TBCD: variants seen among roughly 807,000 people sequenced by gnomAD.
TBCD encodes the protein tubulin folding cofactor D.
TBCD carries 105 observed loss-of-function variants against 169.3 expected under a neutral mutation model. That is an observed-to-expected ratio of 0.62 (90% CI 0.53 to 0.73). The LOEUF is 0.73. Among genes scored for constraint, TBCD ranks in the 30% least tolerant of loss-of-function variants. The probability of loss-of-function intolerance (pLI) is 0.00; values close to 1 mark genes in which losing one functional copy is unlikely to be tolerated. For missense variants in TBCD, 1,444 were observed against 1,600.1 expected, an observed-to-expected ratio of 0.90 and a Z score of 1.66; for synonymous variants, 700 against 643.9, an observed-to-expected ratio of 1.09 and a Z score of -1.32.
At chr17:82,816,502 G>A (rs559404721) in intron 13 of TBCD, among the ~76,000 whole-genome samples, 11 of 152,118 alleles carry the variant, frequency 7.2e-5, no homozygotes, top group South Asian at 2.1e-4. Context: ...AGTGTGTGAG[G>A]GTTCTGCTTC....
At chr17:82,865,964 G>A (rs2057141020) in intron 13 of TBCD, among the ~76,000 whole-genome samples, 1 of 152,194 alleles carries the variant, frequency 6.6e-6, no homozygotes. Context: ...AAGCCTCCTG[G>A]GGTGTGTTCT....
intron 7 of TBCD, among the ~76,000 whole-genome samples, chr17:82,790,231 G>A (rs1273317755): frequency 6.6e-6 from 1 of 152,146 alleles, no homozygotes; most frequent in South Asian, 2.1e-4. Context: ...TGTGGCTGTC[G>A]GCTGCAGTAA....
rs1389851751 is a variant in TBCD at position 82,944,364 on chromosome 17, C to T, written c.*1901C>T. 6.6e-6 allele frequency: 1 copy of T among 152,148 alleles called. No individual in the cohort carries two copies. The highest frequency in any genetic ancestry group is 2.4e-5 in the African/African-American group (1 of 41,430). The allele number at this position is 152,148 out of a possible 1,614,324, so 9.4% of individuals were successfully genotyped here. On this transcript the variant is annotated 3_prime_UTR_variant, in exon 39 of 39. Coordinates refer to ENST00000355528, the MANE Select transcript of TBCD (RefSeq NM_005993.5). ...CTCTTTCAGCAGCCGTTTCTGGAGCCCACCAGGGTCCAGGTGATAGAGTTT... is the reference window on the plus strand; with the variant it reads ...CTCTTTCAGCAGCCGTTTCTGGAGCTCACCAGGGTCCAGGTGATAGAGTTT...
chr17:82,792,256 C>T (rs1040127522), intron 7 of TBCD, among the ~76,000 whole-genome samples: 3 of 150,462 alleles, frequency 2.0e-5, no homozygotes, highest in East Asian at 2.0e-4. Flanking sequence ...TGCAGTGAGC[C>T]GAGATTGTGT....
At chr17:82,910,853 C>G (rs2060590286) in intron 22 of TBCD, among the ~76,000 whole-genome samples, 1 of 152,220 alleles carries the variant, frequency 6.6e-6, no homozygotes, top group Non-Finnish European at 1.5e-5. Context: ...GGCTGAGCCA[C>G]CGCGCCCAGC....
In TBCD at chr17:82,903,275, G is replaced by A. The variant is rs977120149; in HGVS notation, c.1731-130G>A. 2.3e-5 allele frequency: 18 copies of A among 784,048 alleles called. No individual in the cohort carries two copies. In the African/African-American group the frequency reaches 2.9e-4, roughly 13 times the overall value. 48.6% of individuals were successfully genotyped at this position (784,048 alleles called of 1,614,324 possible). On this transcript the variant is annotated intron_variant, in intron 18 of 38. Coordinates refer to ENST00000355528, the MANE Select transcript of TBCD (RefSeq NM_005993.5). The surrounding 1 kb of genome is among the most constrained non-coding windows in gnomAD (Gnocchi z 4.8). ...GGTTCTTGTACTGGTTCGTGTGAGT[G>A]AGTGAGTGAGCCTCTGCTAAGTGGC... is the stretch of plus-strand genomic sequence containing the variant.
chr17:82,893,540 T>G lies in TBCD; in HGVS notation c.1564-7T>G. On this transcript the variant is annotated splice_polypyrimidine_tract_variant and splice_region_variant and intron_variant, in intron 16 of 38. Coordinates refer to ENST00000355528, the MANE Select transcript of TBCD (RefSeq NM_005993.5). ...TTCTTTTTCCCCCATTTCCACTTTC[T>G]TATTAGGGCACTTTCCCTCATGGTA... The G allele has an allele frequency of 5.0e-6, 8 of 1,599,952 alleles. No homozygotes were observed. Among genetic ancestry groups the G allele is most frequent in the Non-Finnish European group, 6.8e-6 (8 of 1,173,668 alleles).
At chr17:82,775,941 G>C (rs2048571257) in intron 6 of TBCD, among the ~76,000 whole-genome samples, 1 of 152,138 alleles carries the variant, frequency 6.6e-6, no homozygotes, top group Non-Finnish European at 1.5e-5. Context: ...CTTTCGCCAG[G>C]CACGGTGGCT....
At position 82,847,210 on chromosome 17, in the gene TBCD, G is replaced by A. The variant is rs535015143; in HGVS notation, c.1319-23014G>A. On this transcript the variant is annotated intron_variant, in intron 13 of 38. Transcript: ENST00000355528. ...ACTAAAAATACACAAAAAATTAGCT[G>A]GGCGTGGTGGTGGGTGCCTGTAATC... Among the ~76,000 whole-genome samples, 332 of 150,936 alleles carry A rather than the reference G, an allele frequency of 2.2e-3. 4 individuals are homozygous for A. Among genetic ancestry groups the A allele is most frequent in the Non-Finnish European group, 4.1e-3 (274 of 66,996 alleles).
At chr17:82,792,024 C>T (rs1598516466) in intron 7 of TBCD, among the ~76,000 whole-genome samples, 2 of 152,314 alleles carry the variant, frequency 1.3e-5, no homozygotes, top group South Asian at 4.1e-4. Context: ...AAAAATATAT[C>T]ATCAGCTGGG....
chr17:82,844,773 G>A (rs983889028), intron 13 of TBCD, among the ~76,000 whole-genome samples: 1 of 152,196 alleles, frequency 6.6e-6, no homozygotes, highest in South Asian at 2.1e-4. Context: ...GAATTCTTGC[G>A]ATTAGGTTTT....
intron 13 of TBCD, among the ~76,000 whole-genome samples, chr17:82,820,905 A>G (rs603016): frequency 0.59 from 89,481 of 151,204 alleles, 26,688 homozygotes; most frequent in African/African-American, 0.67. Context: ...TAGGTTCTGC[A>G]CTCATTTCAG....
In TBCD at chr17:82,884,666, GA is replaced by G. The variant is rs1387069455; in HGVS notation, c.1533+465del. 21 of 207,574 alleles carry G rather than the reference GA, an allele frequency of 1.0e-4. No homozygotes were observed. Among genetic ancestry groups the G allele is most frequent in the Non-Finnish European group, 2.0e-4 (20 of 98,608 alleles). 12.9% of individuals were successfully genotyped at this position (207,574 alleles called of 1,614,324 possible). On this transcript the variant is annotated intron_variant, in intron 15 of 38. Coordinates refer to ENST00000355528, the MANE Select transcript of TBCD (RefSeq NM_005993.5). This position sits in a 1 kb window ranked among gnomAD's most constrained non-coding sequence, Gnocchi z 4.2. ...CTCGCCTGGGCCTTGCTGGATGTGG[GA>G]GCTGCCTGCAGGACCGGGTGCGTCT...
At chr17:82,767,185 C>T (rs565170031) in intron 4 of TBCD, among the ~76,000 whole-genome samples, 2 of 152,210 alleles carry the variant, frequency 1.3e-5, no homozygotes, top group East Asian at 1.9e-4. Flanking sequence ...CTGCTATGCT[C>T]GCTGTCTTCT....
At chr17:82,840,571 G>T (rs1038623660) in intron 13 of TBCD, 1 of 152,296 alleles carries the variant, frequency 6.6e-6, no homozygotes, top group African/African-American at 2.4e-5. Context: ...GGCAGGGAGG[G>T]AGCTTATCCC....
At chr17:82,803,455 C>T (rs986824145) in intron 9 of TBCD, among the ~76,000 whole-genome samples, 5 of 152,182 alleles carry the variant, frequency 3.3e-5, no homozygotes, top group African/African-American at 1.2e-4. Flanking sequence ...TTGGAGTGCC[C>T]AGGGATCCAA....
intron 13 of TBCD, among the ~76,000 whole-genome samples, chr17:82,856,893 AGGGCGG>A (rs2056347630): frequency 7.2e-6 from 1 of 139,844 alleles, no homozygotes; most frequent in African/African-American, 2.9e-5. Context: ...CTGCGCATCC[AGGGCGG>A]GATCGCTGGA....
At chr17:82,911,669 G>T in intron 22 of TBCD, 89 bp from the exon 23 acceptor site, 1 of 1,290,854 alleles carries the variant, frequency 7.7e-7, no homozygotes, top group Non-Finnish European at 1.1e-6. Context: ...AATGCTTTTT[G>T]GAGCCTGAGG....
At chr17:82,883,509 G>C (rs1193046929) in intron 14 of TBCD, among the ~76,000 whole-genome samples, 1 of 152,258 alleles carries the variant, frequency 6.6e-6, no homozygotes, top group Non-Finnish European at 1.5e-5. Context: ...CTCTGAGTGT[G>C]GCTCGCATGG....
Sources: allele counts gnomAD v4.1 joint callset (sites outside exome capture counted in the v4.1 genomes callset), GRCh38; gene constraint gnomAD v4.1.1; non-coding constraint Gnocchi (gnomAD v3.1); transcripts MANE v1.5; gene names NCBI Gene and HGNC (gene_info 2026-07-23, HGNC 2026-07-21).